Variants in MED13 observed in about 807,000 individuals in gnomAD.
MED13 encodes the protein mediator of RNA polymerase II transcription subunit 13.
MED13 carries 23 observed loss-of-function variants against 225.2 expected under a neutral mutation model. That is an observed-to-expected ratio of 0.10 (90% CI 0.07 to 0.14). The LOEUF (loss-of-function observed/expected upper bound fraction) is 0.14, where lower values mean the gene tolerates loss of function less well. Among genes scored for constraint, MED13 ranks in the 10% least tolerant of loss-of-function variants. The pLI is 1.00. For missense variants in MED13, 2,197 were observed against 2,594.5 expected, an observed-to-expected ratio of 0.85 and a Z score of 3.33; for synonymous variants, 942 against 889.2, an observed-to-expected ratio of 1.06 and a Z score of -1.06.
chr17:62,039,859 A>G (rs1202164146), intron 3 of MED13, among the ~76,000 whole-genome samples: 1 of 152,022 alleles, frequency 6.6e-6, no homozygotes, highest in Admixed American at 6.6e-5. Flanking sequence ...TTGGCATCCC[A>G]AAGTGCTGGA....
Position 61,984,740 on chromosome 17 carries a change from C to G in MED13, c.2602G>C (p.Val868Leu). The G allele has an allele frequency of 1.9e-6, 3 of 1,613,818 alleles. No individual in the cohort carries two copies. The highest frequency in any genetic ancestry group is 2.5e-6 in the Non-Finnish European group (3 of 1,179,764). The change falls in exon 14 of 30, where the codon GTT becomes CTT. Residue 868 changes from valine to leucine, a missense_variant. Val to Leu is a conservative substitution (Grantham distance 32). Around this residue, in one of 12 missense-constraint regions of MED13, gnomAD observed 160 missense variants for 184.8 expected, o/e 0.87. Transcript: ENST00000397786. ...GSMDTTPGGT[V>L]LEGNSSSIGA... Reference sequence around the variant, plus strand: ...ATACTAGAACTATTTCCTTCTAGAACAGTTCCTCCAGGTGTTGTATCCATA... The same window carrying G: ...ATACTAGAACTATTTCCTTCTAGAAGAGTTCCTCCAGGTGTTGTATCCATA...
At chr17:62,006,217 G>T (rs2080445901) in intron 9 of MED13, 1 of 132,442 alleles carries the variant, frequency 7.6e-6, no homozygotes, top group African/African-American at 2.7e-5. Context: ...TGAGAAGAAG[G>T]GGTTACTTTG....
chr17:62,015,721 C>G (rs1412278255), intron 8 of MED13, among the ~76,000 whole-genome samples: 2 of 143,824 alleles, frequency 1.4e-5, no homozygotes, highest in Non-Finnish European at 3.0e-5. Flanking sequence ...TTACAGGCAC[C>G]TGCCACCACA....
At chr17:61,951,454 C>A (rs2079895783) in intron 27 of MED13, among the ~76,000 whole-genome samples, 2 of 152,090 alleles carry the variant, frequency 1.3e-5, no homozygotes, top group Non-Finnish European at 2.9e-5. Context: ...CATGAAGGGA[C>A]AACTACCAAG....
At chr17:61,977,026 A>G (rs1470448556) in intron 16 of MED13, among the ~76,000 whole-genome samples, 1 of 152,250 alleles carries the variant, frequency 6.6e-6, no homozygotes, top group Admixed American at 6.5e-5. Flanking sequence ...CCTTCTTTCA[A>G]GATGTTAAAA....
At chr17:62,022,285 G>GT (rs1204120658) in intron 8 of MED13, among the ~76,000 whole-genome samples, 3 of 151,386 alleles carry the variant, frequency 2.0e-5, no homozygotes, top group Non-Finnish European at 4.4e-5. Flanking sequence ...TCTGAGCCTA[G>GT]GACACCTTCT....
intron 17 of MED13, among the ~76,000 whole-genome samples, chr17:61,969,250 G>A (rs180829307): frequency 5.9e-5 from 9 of 152,302 alleles, no homozygotes; most frequent in African/African-American, 2.2e-4. Context: ...AGCTACTCAG[G>A]AGGCTGAAGC....
chr17:62,024,292 AC>A (rs1454730754), intron 8 of MED13, among the ~76,000 whole-genome samples: 16 of 152,252 alleles, frequency 1.1e-4, no homozygotes, highest in Non-Finnish European at 5.9e-5. Flanking sequence ...TGCTGGGATT[AC>A]AGGCATAAGC....
At chr17:61,989,014 CTTT>C (rs544084944) in intron 11 of MED13, among the ~76,000 whole-genome samples, 5 of 141,642 alleles carry the variant, frequency 3.5e-5, no homozygotes, top group Non-Finnish European at 4.6e-5. Context: ...ATGAATCCAG[CTTT>C]TTTTTTTTTT....
intron 17 of MED13, among the ~76,000 whole-genome samples, 169 bp from the exon 18 acceptor site, chr17:61,968,427 G>A (rs1413231699): frequency 6.6e-6 from 1 of 152,144 alleles, no homozygotes; most frequent in East Asian, 1.9e-4. Flanking sequence ...CCGCGTTCAC[G>A]CCATTTTCCT....
chr17:62,063,367 G>A, intron 1 of MED13, 66 bp from the exon 2 acceptor site: 1 of 1,002,610 alleles, frequency 1.0e-6, no homozygotes, highest in East Asian at 2.4e-5. Flanking sequence ...TACTCAATAT[G>A]ATGTCTCTTA....
At position 62,011,735 on chromosome 17, in the gene MED13, C is replaced by T. The variant is rs182343437; in HGVS notation, c.1284-502G>A. Among the ~76,000 whole-genome samples, 83 of 152,264 alleles carry T rather than the reference C, an allele frequency of 5.5e-4. 1 individual carries two copies. The highest frequency in any genetic ancestry group is 1.1e-3 in the Non-Finnish European group (78 of 68,034). ...AGAAGTTACATCAGTCTGGAAAGTG[C>T]TAGAATTGACTGATTGATGGGCCTC... On this transcript the variant is annotated intron_variant, in intron 8 of 29. Coordinates refer to ENST00000397786, the MANE Select transcript of MED13 (RefSeq NM_005121.3).
intron 16 of MED13, among the ~76,000 whole-genome samples, chr17:61,981,002 G>T (rs1281791500): frequency 6.7e-6 from 1 of 150,124 alleles, no homozygotes. Flanking sequence ...GGGATTAGAC[G>T]CATGAGCCAC....
Position 61,966,517 on chromosome 17 carries a change from G to A in MED13, c.4326C>T (p.Asn1442=), listed in dbSNP as rs1425976099. Residue 1442 remains asparagine, a synonymous_variant, in exon 19 of 30, where the codon AAC becomes AAT. Transcript: ENST00000397786. ...AEWFSQAADG[N]NEAFSKLKLY... Reference sequence around the variant, plus strand: ...GCTTGAGTTTAGAAAATGCTTCATTGTTACCGTCAGCTGCCTGAGAAAACC... The same window carrying A: ...GCTTGAGTTTAGAAAATGCTTCATTATTACCGTCAGCTGCCTGAGAAAACC... 6.2e-7 allele frequency: 1 copy of A among 1,613,684 alleles called. No individual in the cohort carries two copies. Among genetic ancestry groups the A allele is most frequent in the Non-Finnish European group, 8.5e-7 (1 of 1,179,882 alleles).
intron 9 of MED13, chr17:62,006,596 TC>T (rs1161796410): frequency 6.6e-6 from 1 of 150,720 alleles, no homozygotes; most frequent in East Asian, 1.9e-4. Flanking sequence ...ATACAACATT[TC>T]CAATCAGTCT....
chr17:62,017,257 C>T (rs1010697932), intron 8 of MED13, among the ~76,000 whole-genome samples: 2 of 140,584 alleles, frequency 1.4e-5, no homozygotes, highest in Non-Finnish European at 3.0e-5. Flanking sequence ...ATTTGAGGAG[C>T]AAGATTAAAG....
chr17:62,029,323 A>C, intron 8 of MED13: 1 of 534,040 alleles, frequency 1.9e-6, no homozygotes, highest in Non-Finnish European at 3.3e-6. Flanking sequence ...CAAAACTTTC[A>C]GAGTCTGCCT....
chr17:61,994,080 C>T (rs374053209), intron 10 of MED13, among the ~76,000 whole-genome samples: 28 of 151,824 alleles, frequency 1.8e-4, no homozygotes, highest in African/African-American at 6.5e-4. Flanking sequence ...CTCACTGCAA[C>T]TTCTGCCTCC....
In MED13 at chr17:61,944,389, A is replaced by G. The variant is rs1382568438; in HGVS notation, c.*2079T>C. The G allele has an allele frequency of 6.9e-6, 1 of 144,838 alleles. No homozygotes were observed. Among genetic ancestry groups the G allele is most frequent in the African/African-American group, 2.5e-5 (1 of 40,158 alleles). 9.0% of individuals were successfully genotyped at this position (144,838 alleles called of 1,614,324 possible). On this transcript the variant is annotated 3_prime_UTR_variant, in exon 30 of 30. Transcript: ENST00000397786. ...TCAGACAAGTTTTTTTTTTTTTTTTAAAGAAAGTACAGAACAAAACATACC... is the reference window on the plus strand; with the variant it reads ...TCAGACAAGTTTTTTTTTTTTTTTTGAAGAAAGTACAGAACAAAACATACC...
Sources: allele counts gnomAD v4.1 joint callset (sites outside exome capture counted in the v4.1 genomes callset), GRCh38; gene constraint gnomAD v4.1.1; regional missense constraint gnomAD v4.1.1; transcripts MANE v1.5; gene names NCBI Gene and HGNC (gene_info 2026-07-23, HGNC 2026-07-21).